LARP1B: variants seen among roughly 807,000 people sequenced by gnomAD.
The protein encoded by LARP1B is La ribonucleoprotein 1B, also known as la-related protein 1B.
LARP1B carries 76 observed loss-of-function variants against 114.2 expected under a neutral mutation model. The observed-to-expected ratio is 0.67, with a 90% CI of 0.55 to 0.81. The LOEUF (loss-of-function observed/expected upper bound fraction) is 0.81, where lower values mean the gene tolerates loss of function less well. Among genes scored for constraint, LARP1B ranks in the 30% least tolerant of loss-of-function variants. The pLI is 0.00. For missense variants in LARP1B, 1,014 were observed against 1,075.8 expected (o/e 0.94, Z 0.80); for synonymous variants, 345 against 348.0 (o/e 0.99, Z 0.10).
At chr4:128,082,616 C>G (rs942793963) in intron 5 of LARP1B, among the ~76,000 whole-genome samples, 3 of 150,936 alleles carry the variant, frequency 2.0e-5, no homozygotes, top group African/African-American at 7.3e-5. Context: ...TTTTTTTTTT[C>G]TCTTTAGGCT....
chr4:128,083,749 G>A (rs1223746946), intron 5 of LARP1B, among the ~76,000 whole-genome samples: 2 of 150,294 alleles, frequency 1.3e-5, no homozygotes, highest in Non-Finnish European at 3.0e-5. Context: ...AGGGGCGGCT[G>A]GGCAGAGGCG....
At chr4:128,149,371 T>A (rs1224145455) in intron 11 of LARP1B, among the ~76,000 whole-genome samples, 1 of 152,160 alleles carries the variant, frequency 6.6e-6, no homozygotes, top group Non-Finnish European at 1.5e-5. Flanking sequence ...TTTAATAGGT[T>A]TATATATGTG....
At chr4:128,126,954 C>G (rs1415015634) in intron 11 of LARP1B, among the ~76,000 whole-genome samples, 3 of 151,450 alleles carry the variant, frequency 2.0e-5, no homozygotes, top group Non-Finnish European at 4.4e-5. Flanking sequence ...CAATTAGGAC[C>G]TCTACAGAAC....
At position 128,178,489 on chromosome 4, in the gene LARP1B, A is replaced by G. The variant is rs1484265497; in HGVS notation, c.1743A>G (p.Ala581=). Residue 581 remains alanine, a synonymous_variant, in exon 14 of 20, where the codon GCA becomes GCG. Coordinates refer to ENST00000326639, the MANE Select transcript of LARP1B (RefSeq NM_018078.4). ...ATGTTTCAGAAATAACTTCAGCAGC[A>G]ATGGTTCATTCGTTGCCTACAGCAG... ...LFDVSEITSA[A]MVHSLPTAVP... is the part of the protein sequence containing the mutation. The G allele has an allele frequency of 6.2e-7, 1 of 1,613,992 alleles. No individual in the cohort carries two copies. Among genetic ancestry groups the G allele is most frequent in the Non-Finnish European group, 8.5e-7 (1 of 1,179,992 alleles).
rs546544174 is a variant in LARP1B, at chr4:128,150,063, A to G, written c.1525-12131A>G. Among the ~76,000 whole-genome samples, 4 of 152,298 alleles carry G rather than the reference A, an allele frequency of 2.6e-5. No homozygotes were observed. The East Asian group carries it at 7.7e-4, about 29-fold the overall frequency. On this transcript the variant is annotated intron_variant, in intron 11 of 19. Coordinates refer to ENST00000326639, the MANE Select transcript of LARP1B (RefSeq NM_018078.4). Reference sequence around the variant, plus strand: ...CTGTTCAGGAGGCTGAGGCAGGAGAATCACTTGAACCCGGGAGGCGGAGGT... The same window carrying G: ...CTGTTCAGGAGGCTGAGGCAGGAGAGTCACTTGAACCCGGGAGGCGGAGGT...
At chr4:128,199,696 C>T (rs1192300794) in intron 16 of LARP1B, 97 bp downstream of exon 16, 1 of 537,452 alleles carries the variant, frequency 1.9e-6, no homozygotes, top group East Asian at 3.8e-5. Flanking sequence ...TTAAGATATT[C>T]TTTTATTGTT....
At chr4:128,066,554 C>T (rs1302560872) in intron 1 of LARP1B, among the ~76,000 whole-genome samples, 5 of 150,526 alleles carry the variant, frequency 3.3e-5, no homozygotes, top group South Asian at 4.2e-4. Flanking sequence ...CTCTGCTCAC[C>T]GCAACCTCCA....
At chr4:128,080,257 A>G (rs1769788919) in intron 4 of LARP1B, among the ~76,000 whole-genome samples, 1 of 152,012 alleles carries the variant, frequency 6.6e-6, no homozygotes, top group African/African-American at 2.4e-5. Context: ...TGCTGGGATT[A>G]CAGGCGTGAG....
At chr4:128,164,066 A>ATT (rs1381165296) in intron 12 of LARP1B, among the ~76,000 whole-genome samples, 1 of 152,048 alleles carries the variant, frequency 6.6e-6, no homozygotes, top group Non-Finnish European at 1.5e-5. Flanking sequence ...ATAGGTTTTA[A>ATT]TTTTAATTTC....
chr4:128,211,319 C>A lies in LARP1B; in HGVS notation c.*1266C>A, dbSNP rs745355810. ...TGTATTGGCAAAAGCAAGTGGTTTC[C>A]ATATGCTAAATTAATTGTATTTTCT... On this transcript the variant is annotated 3_prime_UTR_variant, in exon 20 of 20. Coordinates refer to ENST00000326639, the MANE Select transcript of LARP1B (RefSeq NM_018078.4). 1.4e-5 allele frequency: 14 copies of A among 970,544 alleles called. No individual in the cohort carries two copies. Among genetic ancestry groups the A allele is most frequent in the Non-Finnish European group, 1.7e-5 (14 of 816,492 alleles). The allele number at this position is 970,544 out of a possible 1,614,324, so 60.1% of individuals were successfully genotyped here.
chr4:128,109,931 C>G (rs1040921690), intron 9 of LARP1B, among the ~76,000 whole-genome samples: 3 of 151,316 alleles, frequency 2.0e-5, no homozygotes, highest in African/African-American at 7.4e-5. Context: ...TGAGACGGAG[C>G]CTCACTCTGT....
intron 11 of LARP1B, among the ~76,000 whole-genome samples, chr4:128,140,191 G>A (rs1406867269): frequency 1.3e-5 from 2 of 152,108 alleles, no homozygotes; most frequent in East Asian, 1.9e-4. Context: ...GTATTGGCTG[G>A]CACTACCCTG....
In LARP1B at chr4:128,074,916, T is replaced by G. The variant is rs749833574; in HGVS notation, c.-18-18T>G. Reference sequence around the variant, plus strand: ...CTAAAAGTAATTTCAGACCTAACACTTATTTGTTACTTCTTAGGCTAGTGA... The same window carrying G: ...CTAAAAGTAATTTCAGACCTAACACGTATTTGTTACTTCTTAGGCTAGTGA... On this transcript the variant is annotated intron_variant, in intron 2 of 19. Coordinates refer to ENST00000326639, the MANE Select transcript of LARP1B (RefSeq NM_018078.4). The G allele has an allele frequency of 1.7e-5, 26 of 1,557,682 alleles. No homozygotes were observed. The highest frequency in any genetic ancestry group is 2.2e-5 in the Non-Finnish European group (25 of 1,137,916).
chr4:128,103,460 C>T (rs1160599971), intron 8 of LARP1B, among the ~76,000 whole-genome samples: 1 of 151,806 alleles, frequency 6.6e-6, no homozygotes, highest in African/African-American at 2.4e-5. Context: ...TGGTAGTGGT[C>T]AGTGTTACTT....
intron 9 of LARP1B, among the ~76,000 whole-genome samples, chr4:128,110,245 G>A (rs1038708182): frequency 6.6e-6 from 1 of 151,976 alleles, no homozygotes; most frequent in South Asian, 2.1e-4. Flanking sequence ...AATTTTCTGT[G>A]TTCTTACAAA....
intron 11 of LARP1B, among the ~76,000 whole-genome samples, chr4:128,128,178 GAATAA>G (rs1355714110): frequency 6.6e-6 from 1 of 152,104 alleles, no homozygotes; most frequent in Non-Finnish European, 1.5e-5. Flanking sequence ...AAAACTCTTA[GAATAA>G]AATGTGTAAA....
In LARP1B at chr4:128,077,839, A is replaced by G; in HGVS notation, c.94A>G (p.Lys32Glu). ...GNKKPQNRKE[K>E]EEKVEKRSNS... The stretch of plus-strand genomic sequence containing the variant: ...TAAAAAGCCACAAAATAGAAAAGAA[A>G]AAGAAGAGAAGGTTGAAAAGAGAAG... The change falls in exon 4 of 20, where the codon AAA becomes GAA. Residue 32 changes from lysine to glutamate, a missense_variant. Lys to Glu is a moderately conservative substitution (Grantham distance 56, BLOSUM62 1). Transcript: ENST00000326639. 1.2e-6 allele frequency: 2 copies of G among 1,610,386 alleles called. No individual in the cohort carries two copies. Among genetic ancestry groups the G allele is most frequent in the Non-Finnish European group, 1.7e-6 (2 of 1,178,788 alleles).
chr4:128,092,765 CTTT>C, intron 7 of LARP1B: 1 of 985,402 alleles, frequency 1.0e-6, no homozygotes, highest in Non-Finnish European at 1.2e-6. Context: ...GTTCTTGCTT[CTTT>C]TGTTACAGTT....
chr4:128,127,023 A>G (rs1789888931), intron 11 of LARP1B, among the ~76,000 whole-genome samples: 1 of 152,180 alleles, frequency 6.6e-6, no homozygotes, highest in Admixed American at 6.5e-5. Context: ...AGAAAGAAGA[A>G]TCATTAGACA....
Sources: allele counts gnomAD v4.1 joint callset (sites outside exome capture counted in the v4.1 genomes callset), GRCh38; gene constraint gnomAD v4.1.1; transcripts MANE v1.5; gene names NCBI Gene and HGNC (gene_info 2026-07-23, HGNC 2026-07-21).